Variants in ALMS1 observed in about 807,000 individuals in gnomAD.
The protein encoded by ALMS1 is ALMS1 centrosome and basal body associated protein, also known as centrosome-associated protein ALMS1.
Under a neutral mutation model 352.2 loss-of-function variants are expected in ALMS1, and 271 were observed. The ratio of observed to expected loss-of-function variants is 0.77; its 90% CI spans 0.70 to 0.85. ALMS1 has a LOEUF of 0.85. Ranked by LOEUF, ALMS1 falls within the 40% of genes least tolerant of loss-of-function variation. ALMS1 has a pLI of 0.00. For synonymous variants in ALMS1, 1,865 were observed against 1,761.2 expected (o/e 1.06, Z -1.48); for missense variants, 5,445 against 4,870.7 (o/e 1.12, Z -3.51).
chr2:73,410,820 T>C (rs1199330288), intron 2 of ALMS1, among the ~76,000 whole-genome samples: 2 of 141,928 alleles, frequency 1.4e-5, no homozygotes, highest in Non-Finnish European at 2.9e-5. Context: ...GTGTTACTAA[T>C]AATGGTTAAA....
At chr2:73,409,459 T>C (rs1303978335) in intron 2 of ALMS1, among the ~76,000 whole-genome samples, 1 of 152,152 alleles carries the variant, frequency 6.6e-6, no homozygotes, top group African/African-American at 2.4e-5. Context: ...AGCTTTTGTT[T>C]ATGTGGATTA....
At chr2:73,503,655 A>G (rs1673262562) in intron 10 of ALMS1, among the ~76,000 whole-genome samples, 1 of 152,144 alleles carries the variant, frequency 6.6e-6, no homozygotes, top group African/African-American at 2.4e-5. Flanking sequence ...CTAGTTCTAG[A>G]TCCCTGAGGA....
chr2:73,480,383 T>C (rs1412986660), intron 9 of ALMS1, among the ~76,000 whole-genome samples: 2 of 152,180 alleles, frequency 1.3e-5, no homozygotes, highest in African/African-American at 2.4e-5. Context: ...ATTTCATCCA[T>C]GTCCCTACAA....
At position 73,450,576 on chromosome 2, in the gene ALMS1, A is replaced by G. The variant is rs373366352; in HGVS notation, c.4049A>G (p.His1350Arg). Reference sequence around the variant, plus strand: ...GTTTTCTACCAACAGGTCTTGCCACATAGTCATCCAACTGAAGAGGCTCTG... The same window carrying G: ...GTTTTCTACCAACAGGTCTTGCCACGTAGTCATCCAACTGAAGAGGCTCTG... ...PGVFYQQVLP[H>R]SHPTEEALKI... Residue 1350 changes from histidine (H) to arginine (R), a missense_variant, in exon 8 of 23, where the codon CAT becomes CGT. His to Arg is a conservative substitution (Grantham distance 29). Coordinates refer to ENST00000613296, the MANE Select transcript of ALMS1 (RefSeq NM_001378454.1). The G allele has an allele frequency of 4.5e-5, 72 of 1,612,214 alleles. No individual in the cohort carries two copies. In the African/African-American group the frequency reaches 5.0e-4, roughly 11 times the overall value.
chr2:73,422,957 A>G lies in ALMS1; in HGVS notation c.747A>G (p.Leu249=). 1 of 1,611,762 alleles carries G rather than the reference A, an allele frequency of 6.2e-7. No homozygotes were observed. The highest frequency in any genetic ancestry group is 8.5e-7 in the Non-Finnish European group (1 of 1,178,026). Reference sequence around the variant, plus strand: ...ATTCTTTATTTCATCAAAGTGAACTAAGTTTTGCACCTCTGAGGTAGGATG... The same window carrying G: ...ATTCTTTATTTCATCAAAGTGAACTGAGTTTTGCACCTCTGAGGTAGGATG... ...APDSLFHQSE[L]SFAPLRGIPD... is the part of the protein sequence containing the mutation. The change falls in exon 4 of 23, where the codon CTA becomes CTG. Residue 249 remains leucine (L), a synonymous_variant. Transcript: ENST00000613296.
In ALMS1 at chr2:73,573,113, C is replaced by T. The variant is rs1674978162; in HGVS notation, c.11236C>T (p.Leu3746Phe). ...DCRPSEESEL[L>F]TDTTTNILSG... The stretch of plus-strand genomic sequence containing the variant: ...TCGGCCCTCAGAGGAGAGTGAGCTG[C>T]TCACAGATACTACCACCAACATCCT... The change falls in exon 16 of 23, where the codon CTC becomes TTC. Residue 3746 changes from leucine to phenylalanine, a missense_variant. Physicochemically the swap from Leu to Phe is conservative, Grantham distance 22. Transcript: ENST00000613296. 6.2e-7 allele frequency: 1 copy of T among 1,614,024 alleles called. No individual in the cohort carries two copies. The highest frequency in any genetic ancestry group is 8.5e-7 in the Non-Finnish European group (1 of 1,179,996).
At chr2:73,439,821 AGTTT>A (rs1360745200) in intron 7 of ALMS1, among the ~76,000 whole-genome samples, 1 of 151,640 alleles carries the variant, frequency 6.6e-6, no homozygotes, top group Non-Finnish European at 1.5e-5. Context: ...TTACAGGTGT[AGTTT>A]GTTTATTTAT....
At chr2:73,486,415 T>C (rs937931115) in intron 9 of ALMS1, among the ~76,000 whole-genome samples, 3 of 152,110 alleles carry the variant, frequency 2.0e-5, no homozygotes, top group African/African-American at 7.2e-5. Context: ...TGTGAGTGGG[T>C]CTAGTTTTTT....
rs372714431 is a variant in ALMS1 at position 73,452,135 on chromosome 2, G to A, written c.5608G>A (p.Glu1870Lys). 1.1e-5 allele frequency: 18 copies of A among 1,608,860 alleles called. No individual in the cohort carries two copies. Among genetic ancestry groups the A allele is most frequent in the Non-Finnish European group, 1.5e-5 (18 of 1,176,632 alleles). ...SYEQELPDLT[E>K]VTLKAIGVPG... ...TGAGCAGGAGTTGCCAGATCTTACT[G>A]AAGTAACTTTGAAAGCAATAGGGGT... The change falls in exon 8 of 23, where the codon GAA becomes AAA. Residue 1870 changes from glutamate to lysine, a missense_variant. Physicochemically the swap from Glu to Lys is moderately conservative, Grantham distance 56. Coordinates refer to ENST00000613296, the MANE Select transcript of ALMS1 (RefSeq NM_001378454.1).
chr2:73,423,094 C>T (rs2103711212), intron 4 of ALMS1, 120 bp downstream of exon 4: 6 of 864,166 alleles, frequency 6.9e-6, no homozygotes, highest in South Asian at 6.8e-5. Context: ...TAGGACACGC[C>T]CTGAAGGTAA....
intron 9 of ALMS1, among the ~76,000 whole-genome samples, chr2:73,473,920 AAGAGAG>A (rs35028203): frequency 8.6e-4 from 128 of 148,564 alleles, no homozygotes; most frequent in South Asian, 3.9e-3. Context: ...TCTTAGAGGG[AAGAGAG>A]AGAGAGAGAG....
At chr2:73,395,072 A>ATTTTTTTTTT in intron 1 of ALMS1, among the ~76,000 whole-genome samples, 1 of 107,614 alleles carries the variant, frequency 9.3e-6, no homozygotes, top group Non-Finnish European at 1.8e-5. Context: ...ATATATATAT[A>ATTTTTTTTTT]TATATATTTT....
intron 1 of ALMS1, among the ~76,000 whole-genome samples, chr2:73,398,828 G>GT (rs1670815772): frequency 6.6e-6 from 1 of 151,816 alleles, no homozygotes; most frequent in Non-Finnish European, 1.5e-5. Flanking sequence ...TTCCAGGAAA[G>GT]TTTTGTCAGT....
At chr2:73,602,077 T>G (rs2104199018) in intron 19 of ALMS1, 108 bp from the exon 20 acceptor site, 1 of 1,166,392 alleles carries the variant, frequency 8.6e-7, no homozygotes, top group Middle Eastern at 2.7e-4. Context: ...GGCATTTGAA[T>G]CAGACTTCCC....
intron 9 of ALMS1, among the ~76,000 whole-genome samples, chr2:73,463,249 A>C (rs1037984451): frequency 1.3e-5 from 2 of 152,226 alleles, no homozygotes; most frequent in African/African-American, 4.8e-5. Context: ...ATAACAAACT[A>C]TCTCTCAGAC....
In ALMS1 at chr2:73,597,702, T is replaced by G. The variant is rs1004062170; in HGVS notation, c.11548-1699T>G. Among the ~76,000 whole-genome samples the G allele has an allele frequency of 5.3e-5, 8 of 152,258 alleles. No homozygotes were observed. In the East Asian group the frequency reaches 1.5e-3, roughly 29 times the overall value. On this transcript the variant is annotated intron_variant, in intron 16 of 22. Transcript: ENST00000613296. ...AGATGGGGAAACTGACACAAAGAGG[T>G]TATGGCTTGCCTAAATAGAGACCGC...
At position 73,386,209 on chromosome 2, in the gene ALMS1, A is replaced by AGGGGTGTGGAGCCGCGGC; in HGVS notation, c.324+19_324+36dup. ...CTGGAGAAGGTGAGGCGGGCCGGGG[A>AGGGGTGTGGAGCCGCGGC]GGGGTGTGGAGCCGCGGCGAGTTGG... On this transcript the variant is annotated intron_variant, in intron 1 of 22. Coordinates refer to ENST00000613296, the MANE Select transcript of ALMS1 (RefSeq NM_001378454.1). The AGGGGTGTGGAGCCGCGGC allele has an allele frequency of 2.0e-6, 3 of 1,513,758 alleles. No homozygotes were observed. Among genetic ancestry groups the AGGGGTGTGGAGCCGCGGC allele is most frequent in the Non-Finnish European group, 8.9e-7 (1 of 1,127,574 alleles). 93.8% of individuals were successfully genotyped at this position (1,513,758 alleles called of 1,614,324 possible). A position where few individuals can be genotyped will look rare whatever the true frequency, so the allele number is the denominator to read the frequency against.
chr2:73,492,191 T>C (rs960635698), intron 10 of ALMS1, among the ~76,000 whole-genome samples: 29 of 152,204 alleles, frequency 1.9e-4, no homozygotes, highest in African/African-American at 7.0e-4. Context: ...TCTTATGATA[T>C]GGTGAAGCAG....
intron 12 of ALMS1, among the ~76,000 whole-genome samples, chr2:73,541,334 G>A (rs1463145977): frequency 6.6e-6 from 1 of 152,172 alleles, no homozygotes; most frequent in East Asian, 1.9e-4. Context: ...TGAGAACAAA[G>A]ATACAACATA....
Sources: gnomAD v4.1 joint callset for allele counts (sites outside exome capture counted in the v4.1 genomes callset) on GRCh38, gnomAD v4.1.1 for gene constraint, MANE v1.5 for transcripts, NCBI Gene and HGNC (gene_info 2026-07-23, HGNC 2026-07-21) for gene names.